NOTCH3: variants seen among roughly 807,000 people sequenced by gnomAD.
NOTCH3 encodes neurogenic locus notch homolog protein 3.
NOTCH3 carries 86 observed loss-of-function variants against 213.3 expected under a neutral mutation model. That is an observed-to-expected ratio of 0.40 (90% confidence interval 0.34 to 0.48). NOTCH3 has a LOEUF of 0.48. Ranked by LOEUF, NOTCH3 falls within the 20% of genes least tolerant of loss-of-function variation. The pLI is 0.57. For synonymous variants in NOTCH3, 1,354 were observed against 1,355.9 expected (o/e 1.00, Z 0.03); for missense variants, 2,783 against 3,272.6 (o/e 0.85, Z 3.65).
Position 15,185,107 on chromosome 19 carries a change from C to G in NOTCH3, c.2297-88G>C. On this transcript the variant is annotated intron_variant, in intron 14 of 32. Transcript: ENST00000263388. This position sits in a 1 kb window ranked among gnomAD's most constrained non-coding sequence, Gnocchi z 4.2. ...CCCCACCTCCCCCAACCCCAGGGTC[C>G]CCACCTTGATACCCACCTCCCAAGC... 1.6e-6 allele frequency: 2 copies of G among 1,287,754 alleles called. No individual in the cohort carries two copies. Among genetic ancestry groups the G allele is most frequent in the Non-Finnish European group, 2.2e-6 (2 of 922,902 alleles). The allele number at this position is 1,287,754 out of a possible 1,614,324, so 79.8% of individuals were successfully genotyped here.
In NOTCH3 at chr19:15,185,363, G is replaced by T; in HGVS notation, c.2190C>A (p.Ser730Arg). The change falls in exon 14 of 33, where the codon AGC (serine) becomes AGA (arginine). Residue 730 changes from serine (S) to arginine (R), a missense_variant. By Grantham distance (110) the Ser-to-Arg change is moderately radical. Transcript: ENST00000263388. The surrounding 1 kb of genome is among the most constrained non-coding windows in gnomAD (Gnocchi z 4.2). ...CEPGWSGPRC[S>R]QSLARDACES... ...CACAGGCGTCTCGGGCCAGGCTCTGGCTGCAGCGGGGGCCACTCCAGCCAG... is the reference window on the plus strand; with the variant it reads ...CACAGGCGTCTCGGGCCAGGCTCTGTCTGCAGCGGGGGCCACTCCAGCCAG... 6.2e-7 allele frequency: 1 copy of T among 1,612,420 alleles called. No homozygotes were observed. The highest frequency in any genetic ancestry group is 8.5e-7 in the Non-Finnish European group (1 of 1,179,732).
At chr19:15,186,128 G>C (rs1039640256) in intron 12 of NOTCH3, among the ~76,000 whole-genome samples, 1 of 151,828 alleles carries the variant, frequency 6.6e-6, no homozygotes, top group Non-Finnish European at 1.5e-5. Context: ...CTGGCTTTGG[G>C]AGTGTGTTTA....
At position 15,181,820 on chromosome 19, in the gene NOTCH3, C is replaced by A; in HGVS notation, c.2567-19G>T. On this transcript the variant is annotated intron_variant, in intron 16 of 32. Transcript: ENST00000263388. ...CATGGGTCTGCGGACAGGAGGAAGG[C>A]GGTCTGGTCACCTACCTTGCCCCCA... The A allele has an allele frequency of 6.5e-7, 1 of 1,545,414 alleles. No individual in the cohort carries two copies. Among genetic ancestry groups the A allele is most frequent in the Non-Finnish European group, 8.7e-7 (1 of 1,144,666 alleles).
At position 15,161,206 on chromosome 19, in the gene NOTCH3, C is replaced by A; in HGVS notation, c.6422G>T (p.Gly2141Val). 6.5e-7 allele frequency: 1 copy of A among 1,543,734 alleles called. No homozygotes were observed. ...TATAVSLAQL[G>V]GPGRAGLGRQ... ...CCCTAGACCCGCCCGGCCTGGGCCA[C>A]CAAGCTGTGCCAGAGACACTGCAGT... Residue 2141 changes from glycine to valine, a missense_variant, in exon 33 of 33, where the codon GGT becomes GTT. Around this residue, in one of 6 missense-constraint regions of NOTCH3, gnomAD observed 441 missense variants for 432.1 expected, o/e 1.02. Coordinates refer to ENST00000263388, the MANE Select transcript of NOTCH3 (RefSeq NM_000435.3).
rs538466132 is a variant in NOTCH3 at position 15,170,687 on chromosome 19, T to G, written c.4875A>C (p.Pro1625=). The G allele has an allele frequency of 6.7e-5, 106 of 1,580,110 alleles. No homozygotes were observed. Among genetic ancestry groups the G allele is most frequent in the Non-Finnish European group, 8.2e-5 (96 of 1,164,752 alleles). Residue 1625 remains proline, a synonymous_variant, in exon 26 of 33, where the codon CCA becomes CCC. Coordinates refer to ENST00000263388, the MANE Select transcript of NOTCH3 (RefSeq NM_000435.3). The part of the protein sequence containing the change: ...SAVERLDFPY[P]LRDVRGEPLE... ...GGGCCGCACCCCGCACGTCCCGCAG[T>G]GGGTACGGGAAGTCCAGGCGCTCCA...
chr19:15,198,327 G>A lies in NOTCH3; in HGVS notation c.119-749C>T, dbSNP rs2046985504. Among the ~76,000 whole-genome samples the A allele has an allele frequency of 2.6e-5, 4 of 152,250 alleles. No homozygotes were observed. The South Asian group carries it at 8.3e-4, about 31-fold the overall frequency. ...GCATGCGATCAGGTGTGGGGACACA[G>A]TGCGTGTGTCCATGCATGCTCTTGT... On this transcript the variant is annotated intron_variant, in intron 1 of 32. Transcript: ENST00000263388.
intron 3 of NOTCH3, 28 bp downstream of exon 3, chr19:15,192,349 C>T (rs929862254): frequency 1.2e-6 from 2 of 1,612,806 alleles, no homozygotes; most frequent in Non-Finnish European, 1.7e-6. Context: ...CCCCCGACTA[C>T]CTCCCCTCCA....
intron 24 of NOTCH3, 38 bp downstream of exon 24, chr19:15,177,487 T>A (rs562935160): frequency 3.8e-5 from 60 of 1,573,612 alleles, no homozygotes; most frequent in Non-Finnish European, 5.0e-5. Flanking sequence ...CTGGGATGGA[T>A]GCATAGACAG....
rs2046765817 is a variant in NOTCH3, at chr19:15,174,078, C to T, written c.4726G>A (p.Glu1576Lys). 6.3e-7 allele frequency: 1 copy of T among 1,580,136 alleles called. No individual in the cohort carries two copies. Among genetic ancestry groups the T allele is most frequent in the African/African-American group, 1.3e-5 (1 of 74,198 alleles). The change falls in exon 25 of 33, where the codon GAG (glutamate) becomes AAG (lysine). Residue 1576 changes from glutamate (E) to lysine (K), a missense_variant. By Grantham distance (56) the Glu-to-Lys change is moderately conservative. Around this residue, in one of 6 missense-constraint regions of NOTCH3, gnomAD observed 636 missense variants for 801.8 expected, o/e 0.79. Coordinates refer to ENST00000263388, the MANE Select transcript of NOTCH3 (RefSeq NM_000435.3). ...GGTGGGGTCACTCACCCGATCACCT[C>T]GGGGGCCAGCTCCCGACGGGCCCGG... ...EPRARRELAP[E>K]VIGSVVMLEI...
At position 15,161,358 on chromosome 19, in the gene NOTCH3, G is replaced by T. The variant is rs1568345483; in HGVS notation, c.6270C>A (p.Gly2090=). 2.0e-6 allele frequency: 3 copies of T among 1,524,898 alleles called. No homozygotes were observed. Among genetic ancestry groups the T allele is most frequent in the Admixed American group, 4.1e-5 (2 of 48,486 alleles). 94.5% of individuals were successfully genotyped at this position (1,524,898 alleles called of 1,614,324 possible). A position where few individuals can be genotyped will look rare whatever the true frequency, so the allele number is the denominator to read the frequency against. ...GCGTGACCGAGCTGTCAGCCAGGGG[G>T]CCCGGGCAGGCCAGCGTCAGCTTCT... is the stretch of plus-strand genomic sequence containing the variant. ...RGKKLTLACP[G]PLADSSVTLS... The change falls in exon 33 of 33, where the codon GGC becomes GGA. Residue 2090 remains glycine (G), a synonymous_variant. Coordinates refer to ENST00000263388, the MANE Select transcript of NOTCH3 (RefSeq NM_000435.3).
chr19:15,198,224 C>T (rs565824248), intron 1 of NOTCH3, among the ~76,000 whole-genome samples: 9 of 152,336 alleles, frequency 5.9e-5, no homozygotes, highest in Middle Eastern at 3.4e-3. Context: ...CTGTGTCCCT[C>T]TAGGGTGTGG....
intron 16 of NOTCH3, among the ~76,000 whole-genome samples, chr19:15,184,046 A>G (rs1055688270): frequency 4.7e-5 from 7 of 149,754 alleles, no homozygotes; most frequent in Admixed American, 1.3e-4. Context: ...TCAAAAAAAA[A>G]AAAAAAAAAA....
Position 15,161,027 on chromosome 19 carries a change from G to C in NOTCH3, c.6601C>G (p.Pro2201Ala), listed in dbSNP as rs1415884806. The C allele has an allele frequency of 5.9e-6, 9 of 1,535,438 alleles. No individual in the cohort carries two copies. The Middle Eastern group carries it at 5.3e-4, about 90-fold the overall frequency. The change falls in exon 33 of 33, where the codon CCC becomes GCC. Residue 2201 changes from proline (P) to alanine (A), a missense_variant. Transcript: ENST00000263388. ...GGGGGCCGCTCCTGCGGGGAGACGG[G>C]GGTCCCTGGGTTGAGCAGCTGGGGT... ...PGPQLLNPGTPVSPQERPPPY... is the reference protein window; with the variant it reads ...PGPQLLNPGTAVSPQERPPPY...
chr19:15,166,212 T>A, intron 29 of NOTCH3, 121 bp from the exon 30 acceptor site: 1 of 832,848 alleles, frequency 1.2e-6, no homozygotes, highest in Non-Finnish European at 2.0e-6. Flanking sequence ...TAGCAGATCC[T>A]CCTGTCTGCA....
Position 15,178,948 on chromosome 19 carries a change from G to T in NOTCH3, c.3719-7C>A. 6.2e-7 allele frequency: 1 copy of T among 1,613,996 alleles called. No individual in the cohort carries two copies. Among genetic ancestry groups the T allele is most frequent in the Non-Finnish European group, 8.5e-7 (1 of 1,179,984 alleles). On this transcript the variant is annotated splice_region_variant and splice_polypyrimidine_tract_variant and intron_variant, in intron 22 of 32. Coordinates refer to ENST00000263388, the MANE Select transcript of NOTCH3 (RefSeq NM_000435.3). ...ACAGTCTGACAGCGAGGACCTGAGC[G>T]AGCGGGAGCATGTAGATCAGCCACA...
intron 6 of NOTCH3, 68 bp from the exon 7 acceptor site, chr19:15,189,496 A>C: frequency 6.4e-7 from 1 of 1,564,834 alleles, no homozygotes; most frequent in South Asian, 1.1e-5. Context: ...ACACCCCTTG[A>C]GTATTGTTTT....
At chr19:15,166,401 CCA>C (rs58706068) in intron 29 of NOTCH3, among the ~76,000 whole-genome samples, 17,344 of 152,128 alleles carry the variant, frequency 0.11, 3,026 homozygotes, top group African/African-American at 0.38. Flanking sequence ...GTGTTGTACC[CCA>C]GAGTTCTAAT....
At chr19:15,187,594 T>C (rs935718302) in intron 10 of NOTCH3, among the ~76,000 whole-genome samples, 7 of 151,328 alleles carry the variant, frequency 4.6e-5, no homozygotes, top group Admixed American at 1.3e-4. Context: ...TCCAGCCCTG[T>C]TTCTGCCCCA....
chr19:15,178,130 G>T, intron 23 of NOTCH3, 40 bp from the exon 24 acceptor site: 2 of 1,300,930 alleles, frequency 1.5e-6, no homozygotes, highest in South Asian at 1.3e-5. Flanking sequence ...AAAAATGAGG[G>T]TGGGGAGTGG....
Sources: allele counts gnomAD v4.1 joint callset (sites outside exome capture counted in the v4.1 genomes callset), GRCh38; gene constraint gnomAD v4.1.1; regional missense constraint gnomAD v4.1.1; non-coding constraint Gnocchi (gnomAD v3.1); transcripts MANE v1.5; gene names NCBI Gene and HGNC (gene_info 2026-07-23, HGNC 2026-07-21).